The following USP10 variants were observed in gnomAD, a reference collection of about 807,000 sequenced individuals.
USP10 encodes the protein ubiquitin specific peptidase 10.
In USP10, 22 loss-of-function variants were observed where a neutral mutation model predicts 84.5. That is an observed-to-expected ratio of 0.26 (90% CI 0.19 to 0.37). The LOEUF (loss-of-function observed/expected upper bound fraction) is 0.37. USP10 is among the 10% of genes least tolerant of loss of function. The pLI is 1.00. For missense variants in USP10, 1,019 were observed against 998.9 expected, an observed-to-expected ratio of 1.02 and a Z score of -0.27; for synonymous variants, 454 against 387.6, an observed-to-expected ratio of 1.17 and a Z score of -2.01.
Position 84,759,398 on chromosome 16 carries a change from C to T in USP10, c.1320C>T (p.Tyr440=). ...LQALVACPPM[Y]HLMKFIPLYS... ...CATTGGTTGCTTGCCCGCCGATGTA[C>T]CACCTGATGAAGTTCATTCCTCTGT... Residue 440 remains tyrosine, a synonymous_variant, in exon 6 of 14, where the codon TAC becomes TAT. Transcript: ENST00000219473. 2 of 1,613,994 alleles carry T rather than the reference C, an allele frequency of 1.2e-6. No individual in the cohort carries two copies. Among genetic ancestry groups the T allele is most frequent in the South Asian group, 2.2e-5 (2 of 91,082 alleles).
chr16:84,710,951 T>A (rs547229080), intron 1 of USP10, among the ~76,000 whole-genome samples: 1 of 152,338 alleles, frequency 6.6e-6, no homozygotes, highest in Non-Finnish European at 1.5e-5. Flanking sequence ...TTGGACAAAG[T>A]GTTACATCTC....
chr16:84,761,272 C>T (rs1052080046), intron 8 of USP10, among the ~76,000 whole-genome samples: 1 of 152,162 alleles, frequency 6.6e-6, no homozygotes, highest in African/African-American at 2.4e-5. Flanking sequence ...AAAGTGGGTG[C>T]TCAGGAACCC....
At chr16:84,732,742 C>T (rs1909405096) in intron 1 of USP10, among the ~76,000 whole-genome samples, 1 of 152,184 alleles carries the variant, frequency 6.6e-6, no homozygotes, top group Admixed American at 6.6e-5. Flanking sequence ...GCTACTGCGC[C>T]AGGCCTCAAT....
chr16:84,745,736 T>C, intron 4 of USP10, 63 bp downstream of exon 4: 2 of 1,497,462 alleles, frequency 1.3e-6, no homozygotes, highest in African/African-American at 1.4e-5. Flanking sequence ...ACTGGGCTTA[T>C]AGACTGTGGT....
chr16:84,757,075 G>A (rs1337155190), intron 4 of USP10, among the ~76,000 whole-genome samples: 1 of 152,132 alleles, frequency 6.6e-6, no homozygotes, highest in East Asian at 1.9e-4. Flanking sequence ...TGACAGTAGG[G>A]TTATGATAAT....
intron 2 of USP10, among the ~76,000 whole-genome samples, chr16:84,738,042 G>A (rs1223632823): frequency 1.3e-5 from 2 of 152,228 alleles, no homozygotes; most frequent in Non-Finnish European, 1.5e-5. Flanking sequence ...GTGGTTGAAT[G>A]TTGAGGAAGG....
chr16:84,730,518 T>C (rs1909073930), intron 1 of USP10, among the ~76,000 whole-genome samples: 1 of 152,288 alleles, frequency 6.6e-6, no homozygotes, highest in Non-Finnish European at 1.5e-5. Context: ...TTGAAAATAA[T>C]AGGAGAAAAA....
intron 4 of USP10, among the ~76,000 whole-genome samples, chr16:84,758,304 A>T (rs1912817826): frequency 6.6e-6 from 1 of 152,210 alleles, no homozygotes. Flanking sequence ...GGGTTCTGCA[A>T]GATATCTTTC....
At chr16:84,726,129 C>T (rs994763619) in intron 1 of USP10, among the ~76,000 whole-genome samples, 3 of 152,186 alleles carry the variant, frequency 2.0e-5, no homozygotes, top group African/African-American at 2.4e-5. Context: ...CTTTTGAAGG[C>T]AGAGAATGTT....
Position 84,745,567 on chromosome 16 carries a change from T to A in USP10, c.1086T>A (p.Thr362=). 6.2e-7 allele frequency: 1 copy of A among 1,610,662 alleles called. No individual in the cohort carries two copies. Among genetic ancestry groups the A allele is most frequent in the Non-Finnish European group, 8.5e-7 (1 of 1,178,336 alleles). The change falls in exon 4 of 14, where the codon ACT becomes ACA. Residue 362 remains threonine (T), a synonymous_variant. Coordinates refer to ENST00000219473, the MANE Select transcript of USP10 (RefSeq NM_005153.3). ...SSSSPVAYVE[T]KYSPPAISPL... is the part of the protein sequence containing the mutation. ...CCTCGCCGGTGGCCTATGTGGAAACTAAGTATTCCCCTCCCGCCATATCTC... is the reference window on the plus strand; with the variant it reads ...CCTCGCCGGTGGCCTATGTGGAAACAAAGTATTCCCCTCCCGCCATATCTC...
intron 4 of USP10, among the ~76,000 whole-genome samples, chr16:84,757,038 C>G (rs1434031223): frequency 6.6e-6 from 1 of 152,286 alleles, no homozygotes; most frequent in Middle Eastern, 3.4e-3. Flanking sequence ...GTTTTCTCAT[C>G]TGTAAAATGG....
At chr16:84,704,734 T>C in intron 1 of USP10, 2 of 1,507,542 alleles carry the variant, frequency 1.3e-6, no homozygotes, top group South Asian at 1.2e-5. Flanking sequence ...TCTGGCTATT[T>C]GAAAGCTCCT....
intron 1 of USP10, among the ~76,000 whole-genome samples, chr16:84,717,277 C>G (rs777338671): frequency 1.2e-4 from 18 of 152,090 alleles, no homozygotes; most frequent in African/African-American, 4.3e-4. Flanking sequence ...TCCCTTACAT[C>G]AGTTTCTCGG....
chr16:84,758,221 A>G (rs1414018349), intron 4 of USP10, among the ~76,000 whole-genome samples: 1 of 152,218 alleles, frequency 6.6e-6, no homozygotes, highest in Non-Finnish European at 1.5e-5. Flanking sequence ...TACTCACTGA[A>G]CAGCCATTGA....
At position 84,759,372 on chromosome 16, in the gene USP10, G is replaced by T; in HGVS notation, c.1294G>T (p.Ala432Ser). 6.2e-7 allele frequency: 1 copy of T among 1,613,930 alleles called. No homozygotes were observed. The highest frequency in any genetic ancestry group is 8.5e-7 in the Non-Finnish European group (1 of 1,179,870). Residue 432 changes from alanine (A) to serine (S), a missense_variant, in exon 6 of 14, where the codon GCA (alanine) becomes TCA (serine). Transcript: ENST00000219473. ...NWCYINATLQALVACPPMYHL... is the reference protein window; with the variant it reads ...NWCYINATLQSLVACPPMYHL... ...TACTGCCACTACATAGACACTGCAGGCATTGGTTGCTTGCCCGCCGATGTA... is the reference window on the plus strand; with the variant it reads ...TACTGCCACTACATAGACACTGCAGTCATTGGTTGCTTGCCCGCCGATGTA...
intron 4 of USP10, among the ~76,000 whole-genome samples, chr16:84,757,162 T>C (rs1912641223): frequency 6.6e-6 from 1 of 152,194 alleles, no homozygotes; most frequent in African/African-American, 2.4e-5. Flanking sequence ...TGTCATCACA[T>C]GCAGGCTTGG....
intron 1 of USP10, among the ~76,000 whole-genome samples, chr16:84,724,194 G>A (rs1040788955): frequency 2.0e-5 from 3 of 152,112 alleles, no homozygotes; most frequent in African/African-American, 7.2e-5. Flanking sequence ...AAATTTAATG[G>A]CCATTTTGTA....
intron 1 of USP10, among the ~76,000 whole-genome samples, chr16:84,700,541 G>T (rs56158152): frequency 0.23 from 35,474 of 152,026 alleles, 5,174 homozygotes; most frequent in Non-Finnish European, 0.34. Flanking sequence ...TGCCTGGAGC[G>T]AGCCTCAGAG....
In USP10 at chr16:84,756,450, G is replaced by A. The variant is rs953097397; in HGVS notation, c.1193-2266G>A. The stretch of plus-strand genomic sequence containing the variant: ...TCTCCTAAAAATACAAAAATTAGCC[G>A]GGCGTGGTGGTGCACGTCTGTAATC... On this transcript the variant is annotated intron_variant, in intron 4 of 13. Transcript: ENST00000219473. Among the ~76,000 whole-genome samples the A allele has an allele frequency of 3.9e-5, 6 of 152,042 alleles. 1 individual carries two copies. Among genetic ancestry groups the A allele is most frequent in the South Asian group, 4.1e-4 (2 of 4,832 alleles).
Sources: gnomAD v4.1 joint callset for allele counts (sites outside exome capture counted in the v4.1 genomes callset) on GRCh38, gnomAD v4.1.1 for gene constraint, MANE v1.5 for transcripts, NCBI Gene and HGNC (gene_info 2026-07-23, HGNC 2026-07-21) for gene names.